The following ATXN2 variants were observed in gnomAD, a reference collection of about 807,000 sequenced individuals.
ATXN2 encodes ataxin 2.
ATXN2 carries 37 observed loss-of-function variants against 138.6 expected under a neutral mutation model. That is an observed-to-expected ratio of 0.27 (90% confidence interval 0.21 to 0.35). ATXN2 has a LOEUF of 0.35. ATXN2 is among the 10% of genes least tolerant of loss of function. ATXN2 has a pLI of 1.00. For missense variants in ATXN2, 1,216 were observed against 1,480.3 expected, an observed-to-expected ratio of 0.82 and a Z score of 2.93; for synonymous variants, 549 against 543.7, an observed-to-expected ratio of 1.01 and a Z score of -0.13.
At chr12:111,509,228 T>C (rs1879360804) in intron 14 of ATXN2, among the ~76,000 whole-genome samples, 1 of 152,192 alleles carries the variant, frequency 6.6e-6, no homozygotes, top group Non-Finnish European at 1.5e-5. Context: ...CACTAGATTA[T>C]TAATGACTTG....
chr12:111,530,675 G>A (rs555558228), intron 5 of ATXN2, among the ~76,000 whole-genome samples: 55 of 152,322 alleles, frequency 3.6e-4, no homozygotes, highest in African/African-American at 9.1e-4. Context: ...TTAGATGGGC[G>A]TAGTGGCCGG....
chr12:111,594,771 G>T (rs534535059), intron 1 of ATXN2, among the ~76,000 whole-genome samples: 1 of 152,192 alleles, frequency 6.6e-6, no homozygotes, highest in South Asian at 2.1e-4. Flanking sequence ...CTTGGTCATA[G>T]GCTAGCAGCT....
chr12:111,464,716 C>A lies in ATXN2; in HGVS notation c.2843-1G>T, dbSNP rs1176837906. On this transcript the variant is annotated splice_acceptor_variant, in intron 20 of 24. Transcript: ENST00000673436. LOFTEE classifies it high-confidence loss of function. ...TTGTTGTATGGTAATTTGGGACATG[C>A]TGAATTTGGGAAATAGAAAGGTAAA... The A allele has an allele frequency of 6.2e-7, 1 of 1,610,286 alleles. No homozygotes were observed. Among genetic ancestry groups the A allele is most frequent in the Non-Finnish European group, 8.5e-7 (1 of 1,177,178 alleles).
In ATXN2 at chr12:111,599,134, G is replaced by A. The variant is rs1885125653; in HGVS notation, c.-100C>T. On this transcript the variant is annotated 5_prime_UTR_variant, in exon 1 of 25. Coordinates refer to ENST00000673436, the MANE Select transcript of ATXN2 (RefSeq NM_001372574.1). ...AACGCGGCGGGGACGCGCGGGCGCC[G>A]AGCGGGGAGGCGCGGGTTGGCGCGG... 1 of 1,221,572 alleles carries A rather than the reference G, an allele frequency of 8.2e-7. No homozygotes were observed. The highest frequency in any genetic ancestry group is 1.0e-6 in the Non-Finnish European group (1 of 981,936). The allele number at this position is 1,221,572 out of a possible 1,614,324, so 75.7% of individuals were successfully genotyped here.
chr12:111,515,522 C>A (rs2135736011), intron 10 of ATXN2, among the ~76,000 whole-genome samples: 1 of 152,244 alleles, frequency 6.6e-6, no homozygotes, highest in East Asian at 1.9e-4. Context: ...TATTCAAATT[C>A]ATATGTCGTT....
intron 1 of ATXN2, among the ~76,000 whole-genome samples, chr12:111,588,857 T>C (rs1377628272): frequency 6.8e-6 from 1 of 147,616 alleles, no homozygotes; most frequent in Non-Finnish European, 1.5e-5. Flanking sequence ...TAGCCGGGCA[T>C]GGTGGCGGGC....
Position 111,452,840 on chromosome 12 carries a change from A to T in ATXN2, c.3440T>A (p.Val1147Glu). 6.2e-7 allele frequency: 1 copy of T among 1,610,306 alleles called. No homozygotes were observed. The highest frequency in any genetic ancestry group is 8.5e-7 in the Non-Finnish European group (1 of 1,178,566). Residue 1147 changes from valine to glutamate, a missense_variant and splice_region_variant, in exon 25 of 25, where the codon GTA (valine) becomes GAA (glutamate). Coordinates refer to ENST00000673436, the MANE Select transcript of ATXN2 (RefSeq NM_001372574.1). Reference sequence around the variant, plus strand: ...CAACTGCTGTTGGTGGTGGGCTTGTACTGTAAAAAGAAAAGCGAACATTGA... The same window carrying T: ...CAACTGCTGTTGGTGGTGGGCTTGTTCTGTAAAAAGAAAAGCGAACATTGA... ...AHFPYMTHPSVQAHHQQQL is the reference protein window; with the variant it reads ...AHFPYMTHPSEQAHHQQQL
chr12:111,493,859 C>A (rs547081531), intron 14 of ATXN2, among the ~76,000 whole-genome samples: 1 of 152,246 alleles, frequency 6.6e-6, no homozygotes, highest in Non-Finnish European at 1.5e-5. Flanking sequence ...GAACTCCTAA[C>A]CTTGTGATTC....
intron 14 of ATXN2, among the ~76,000 whole-genome samples, chr12:111,501,254 C>T (rs1479968451): frequency 6.6e-6 from 1 of 152,022 alleles, no homozygotes. Flanking sequence ...TTTAAGTTTG[C>T]AGACCAGAAA....
At chr12:111,484,298 T>C (rs566993570) in intron 18 of ATXN2, among the ~76,000 whole-genome samples, 2 of 152,206 alleles carry the variant, frequency 1.3e-5, no homozygotes, top group Non-Finnish European at 2.9e-5. Context: ...TTTTTTTTTT[T>C]TTTGAGATAG....
intron 1 of ATXN2, among the ~76,000 whole-genome samples, chr12:111,571,133 C>T (rs1425372106): frequency 3.9e-5 from 6 of 152,188 alleles, no homozygotes; most frequent in Admixed American, 3.3e-4. Context: ...CCTTACATCA[C>T]GAAGTATGAA....
chr12:111,528,902 G>A (rs1006042604), intron 5 of ATXN2, among the ~76,000 whole-genome samples: 2 of 152,128 alleles, frequency 1.3e-5, no homozygotes, highest in African/African-American at 4.8e-5. Context: ...ATCCACTATC[G>A]TAAATTCTGA....
intron 18 of ATXN2, among the ~76,000 whole-genome samples, chr12:111,483,194 TACACACACACACACACACACACAC>T (rs59840296): frequency 8.4e-5 from 8 of 95,422 alleles, no homozygotes; most frequent in Non-Finnish European, 1.6e-4. Flanking sequence ...ATCAAACACA[TACACACACACACACACACACACAC>T]ACACACACAC....
intron 1 of ATXN2, among the ~76,000 whole-genome samples, chr12:111,581,986 A>G (rs1884032486): frequency 6.6e-6 from 1 of 152,018 alleles, no homozygotes; most frequent in African/African-American, 2.4e-5. Context: ...TCCAACTCCA[A>G]ATGCGTTTGA....
intron 18 of ATXN2, among the ~76,000 whole-genome samples, chr12:111,477,784 G>A (rs1385518755): frequency 2.0e-5 from 3 of 151,856 alleles, no homozygotes; most frequent in East Asian, 1.9e-4. Context: ...GTGAGACAGG[G>A]TCTGGCTCTA....
At chr12:111,471,914 A>G (rs1021827410) in intron 18 of ATXN2, 6 of 152,100 alleles carry the variant, frequency 3.9e-5, no homozygotes, top group African/African-American at 1.4e-4. Flanking sequence ...AGTCAAGTAT[A>G]CTATGGTGCT....
chr12:111,548,583 A>G (rs1881958067), intron 5 of ATXN2, among the ~76,000 whole-genome samples: 1 of 152,234 alleles, frequency 6.6e-6, no homozygotes, highest in Non-Finnish European at 1.5e-5. Flanking sequence ...ACAATGTCAT[A>G]TTAGTATACT....
In ATXN2 at chr12:111,510,468, T is replaced by C. The variant is rs1396734610; in HGVS notation, c.1673A>G (p.Glu558Gly). The stretch of plus-strand genomic sequence containing the variant: ...AGCTGGAATAGGCATGGCAACAGCT[T>C]CAGTTGGAATAATACCAGCTTGGGG... ...ASPQAGIIPT[E>G]AVAMPIPAAS... Residue 558 changes from glutamate (E) to glycine (G), a missense_variant, in exon 12 of 25, where the codon GAA becomes GGA. Physicochemically the swap from Glu to Gly is moderately conservative, Grantham distance 98. Transcript: ENST00000673436. 1 of 1,614,126 alleles carries C rather than the reference T, an allele frequency of 6.2e-7. No individual in the cohort carries two copies. Among genetic ancestry groups the C allele is most frequent in the East Asian group, 2.2e-5 (1 of 44,878 alleles).
intron 5 of ATXN2, among the ~76,000 whole-genome samples, chr12:111,547,465 C>T (rs1380889678): frequency 1.3e-5 from 2 of 151,786 alleles, no homozygotes; most frequent in Non-Finnish European, 1.5e-5. Flanking sequence ...GTGGCTCACG[C>T]TTGTGATCCC....
Sources: allele counts gnomAD v4.1 joint callset (sites outside exome capture counted in the v4.1 genomes callset), GRCh38; gene constraint gnomAD v4.1.1; transcripts MANE v1.5; gene names NCBI Gene and HGNC (gene_info 2026-07-23, HGNC 2026-07-21).